NT5DC1: variants seen among roughly 807,000 people sequenced by gnomAD.
NT5DC1 encodes 5'-nucleotidase domain-containing protein 1.
Under a neutral mutation model 59.4 loss-of-function variants are expected in NT5DC1, and 42 were observed. The observed-to-expected ratio is 0.71, with a 90% confidence interval of 0.55 to 0.92. The LOEUF is 0.92. Among genes scored for constraint, NT5DC1 ranks in the 40% least tolerant of loss-of-function variants. NT5DC1 has a pLI of 0.00. For missense variants in NT5DC1, 501 were observed against 537.1 expected, an observed-to-expected ratio of 0.93 and a Z score of 0.66; for synonymous variants, 172 against 188.1, an observed-to-expected ratio of 0.91 and a Z score of 0.70.
chr6:116,172,024 A>C (rs1780619130), intron 6 of NT5DC1, among the ~76,000 whole-genome samples: 2 of 152,174 alleles, frequency 1.3e-5, no homozygotes, highest in Admixed American at 1.3e-4. Context: ...AGAAAGATTA[A>C]GAGGAAGGTA....
At chr6:116,144,243 C>G (rs1440139291) in intron 6 of NT5DC1, among the ~76,000 whole-genome samples, 2 of 152,166 alleles carry the variant, frequency 1.3e-5, no homozygotes, top group African/African-American at 4.8e-5. Context: ...GTGGCTCACG[C>G]CTGTATCCCA....
chr6:116,120,435 C>A, intron 6 of NT5DC1: 1 of 1,614,244 alleles, frequency 6.2e-7, no homozygotes. Flanking sequence ...GCTGGGTAAG[C>A]TTTGGAGAGA....
rs2114267343 is a variant in NT5DC1, at chr6:116,118,065, A to G, written c.529+120A>G. On this transcript the variant is annotated intron_variant, in intron 6 of 11. Transcript: ENST00000319550. Reference sequence around the variant, plus strand: ...TACTTAGGATTTAATTTAAGCTTAAATATTATTATAAAGTTGGTTCTGACT... The same window carrying G: ...TACTTAGGATTTAATTTAAGCTTAAGTATTATTATAAAGTTGGTTCTGACT... 4.3e-6 allele frequency: 3 copies of G among 695,832 alleles called. No homozygotes were observed. In the East Asian group the frequency reaches 8.2e-5, roughly 19 times the overall value. The allele number at this position is 695,832 out of a possible 1,614,324, so 43.1% of individuals were successfully genotyped here. A position where few individuals can be genotyped will look rare whatever the true frequency, so the allele number is the denominator to read the frequency against.
At chr6:116,177,032 G>T (rs899902446) in intron 6 of NT5DC1, among the ~76,000 whole-genome samples, 9 of 152,170 alleles carry the variant, frequency 5.9e-5, no homozygotes, top group African/African-American at 2.2e-4. Flanking sequence ...AAAATGTCCA[G>T]AGAACTACAA....
chr6:116,234,267 C>T (rs1782075240), intron 8 of NT5DC1, among the ~76,000 whole-genome samples: 2 of 151,350 alleles, frequency 1.3e-5, no homozygotes, highest in South Asian at 4.2e-4. Context: ...GCCCTTCTAA[C>T]ATATTTTTAA....
intron 6 of NT5DC1, among the ~76,000 whole-genome samples, chr6:116,203,331 T>A (rs2074969977): frequency 6.6e-6 from 1 of 151,982 alleles, no homozygotes; most frequent in Non-Finnish European, 1.5e-5. Context: ...GTGAACATAT[T>A]TTCAGCTAAT....
intron 6 of NT5DC1, among the ~76,000 whole-genome samples, chr6:116,168,933 C>A (rs894220849): frequency 6.6e-6 from 1 of 152,132 alleles, no homozygotes; most frequent in Non-Finnish European, 1.5e-5. Flanking sequence ...ATATCTGGTT[C>A]GTACTTCTTT....
chr6:116,119,510 G>A (rs1350277894), intron 6 of NT5DC1: 8 of 153,248 alleles, frequency 5.2e-5, no homozygotes, highest in African/African-American at 1.9e-4. Flanking sequence ...TATTTGAATA[G>A]ATATTGATGA....
intron 6 of NT5DC1, among the ~76,000 whole-genome samples, chr6:116,177,748 C>T (rs1780765599): frequency 6.7e-6 from 1 of 149,546 alleles, no homozygotes; most frequent in Non-Finnish European, 1.5e-5. Flanking sequence ...TAATAATATT[C>T]TAAAATGTTT....
chr6:116,118,176 C>G (rs1318002914), intron 6 of NT5DC1: 1 of 498,280 alleles, frequency 2.0e-6, no homozygotes, highest in Non-Finnish European at 3.6e-6. Context: ...TCTCCTTTAC[C>G]ACGCCTGCCA....
chr6:116,123,216 A>G (rs913536994), intron 6 of NT5DC1, among the ~76,000 whole-genome samples: 1 of 152,204 alleles, frequency 6.6e-6, no homozygotes, highest in African/African-American at 2.4e-5. Context: ...AAACAAGTCA[A>G]TGGAAATGAG....
chr6:116,144,479 G>A (rs1419941499), intron 6 of NT5DC1, among the ~76,000 whole-genome samples: 2 of 150,526 alleles, frequency 1.3e-5, no homozygotes, highest in Non-Finnish European at 2.9e-5. Flanking sequence ...CCAGCCTGAT[G>A]ACAGAGCGAG....
intron 6 of NT5DC1, among the ~76,000 whole-genome samples, chr6:116,179,430 A>G (rs1780824859): frequency 6.6e-6 from 1 of 152,140 alleles, no homozygotes; most frequent in Non-Finnish European, 1.5e-5. Flanking sequence ...AAGGAATTCA[A>G]ACAAATCAGC....
intron 6 of NT5DC1, among the ~76,000 whole-genome samples, chr6:116,164,849 C>A (rs1046240695): frequency 1.3e-5 from 2 of 151,812 alleles, no homozygotes; most frequent in African/African-American, 4.8e-5. Context: ...TTTGGGAGGC[C>A]GAGGCAGGCA....
intron 2 of NT5DC1, among the ~76,000 whole-genome samples, chr6:116,107,174 A>G (rs569165677): frequency 3.3e-5 from 5 of 150,996 alleles, no homozygotes; most frequent in Admixed American, 2.6e-4. Flanking sequence ...AGCCTGGGCT[A>G]CAGAGTGAGA....
chr6:116,150,565 G>A (rs192658664), intron 6 of NT5DC1, among the ~76,000 whole-genome samples: 1 of 152,310 alleles, frequency 6.6e-6, no homozygotes, highest in African/African-American at 2.4e-5. Flanking sequence ...GATTACAGGC[G>A]TGAGTCACTG....
chr6:116,134,613 G>C (rs974081342), intron 6 of NT5DC1, among the ~76,000 whole-genome samples: 1 of 152,136 alleles, frequency 6.6e-6, no homozygotes, highest in African/African-American at 2.4e-5. Flanking sequence ...AGGGCCATTC[G>C]CATGGTGCTG....
At chr6:116,132,866 A>T (rs1582823564) in intron 6 of NT5DC1, among the ~76,000 whole-genome samples, 2 of 152,240 alleles carry the variant, frequency 1.3e-5, no homozygotes, top group East Asian at 3.9e-4. Context: ...CTCTTGAAAA[A>T]ATTTTAAAAG....
chr6:116,163,043 C>T (rs373829194), intron 6 of NT5DC1, among the ~76,000 whole-genome samples: 4 of 149,306 alleles, frequency 2.7e-5, no homozygotes, highest in East Asian at 2.0e-4. Flanking sequence ...AGGAGAATGG[C>T]GTGAACCCGG....
Sources: gnomAD v4.1 joint callset for allele counts (sites outside exome capture counted in the v4.1 genomes callset) on GRCh38, gnomAD v4.1.1 for gene constraint, MANE v1.5 for transcripts, NCBI Gene and HGNC (gene_info 2026-07-23, HGNC 2026-07-21) for gene names.